ARPP19: variants seen among roughly 807,000 people sequenced by gnomAD.
ARPP19 encodes the protein cAMP regulated phosphoprotein 19.
In ARPP19, 8 loss-of-function variants were observed where a neutral mutation model predicts 12.0. The observed-to-expected ratio is 0.67, with a 90% CI of 0.39 to 1.21. ARPP19 has a LOEUF of 1.21. Ranked by LOEUF, ARPP19 falls within the 50% of genes most tolerant of loss-of-function variation. The pLI, the probability that ARPP19 is intolerant of heterozygous loss-of-function variation, is 0.01. For synonymous variants in ARPP19, 47 were observed against 50.4 expected (o/e 0.93, Z 0.29); for missense variants, 102 against 136.3 (o/e 0.75, Z 1.25).
intron 1 of ARPP19, chr15:52,564,205 A>G: frequency 6.5e-7 from 1 of 1,533,970 alleles, no homozygotes; most frequent in East Asian, 2.4e-5. Context: ...GGCTGTTAGG[A>G]ATCGATGGTT....
intron 1 of ARPP19, among the ~76,000 whole-genome samples, chr15:52,558,182 T>A (rs1236043316): frequency 6.6e-6 from 1 of 152,108 alleles, no homozygotes; most frequent in Non-Finnish European, 1.5e-5. Flanking sequence ...CTGGGCACGG[T>A]GGCTCACTCC....
At chr15:52,562,295 A>G (rs1317037791) in intron 1 of ARPP19, among the ~76,000 whole-genome samples, 3 of 152,200 alleles carry the variant, frequency 2.0e-5, no homozygotes, top group African/African-American at 7.2e-5. Flanking sequence ...TAGGCCATAA[A>G]GCAAATCTTA....
chr15:52,555,843 A>T (rs906294113), intron 2 of ARPP19, among the ~76,000 whole-genome samples: 1 of 151,976 alleles, frequency 6.6e-6, no homozygotes, highest in African/African-American at 2.4e-5. Context: ...CATTTCACTG[A>T]TGTCTATAAT....
chr15:52,561,207 C>A (rs376879865), intron 1 of ARPP19, among the ~76,000 whole-genome samples: 1 of 152,134 alleles, frequency 6.6e-6, no homozygotes, highest in East Asian at 1.9e-4. Flanking sequence ...CAAGGGAATT[C>A]CTAAACATTT....
chr15:52,560,677 T>TA (rs755054773), intron 1 of ARPP19, among the ~76,000 whole-genome samples: 1 of 152,242 alleles, frequency 6.6e-6, no homozygotes, highest in Non-Finnish European at 1.5e-5. Context: ...AATGATAAGT[T>TA]AGTTCAAGTG....
At chr15:52,565,135 C>G (rs1016710582) in intron 1 of ARPP19, among the ~76,000 whole-genome samples, 5 of 151,296 alleles carry the variant, frequency 3.3e-5, no homozygotes, top group African/African-American at 1.2e-4. Context: ...GTGGTTTTGA[C>G]CTCCTGGAGG....
rs748593238 is a variant in ARPP19 at position 52,568,928 on chromosome 15, T to C, written c.-36A>G. 3 of 1,457,882 alleles carry C rather than the reference T, an allele frequency of 2.1e-6. No individual in the cohort carries two copies. The highest frequency in any genetic ancestry group is 2.8e-5 in the East Asian group (1 of 35,730). 90.3% of individuals were successfully genotyped at this position (1,457,882 alleles called of 1,614,324 possible). On this transcript the variant is annotated 5_prime_UTR_variant, in exon 1 of 3. Transcript: ENST00000249822. ...CTGCAGACGAGACGCCGGGAAAAGA[T>C]GCAATTAGCGGGTGGCCGAGGCCAC...
At chr15:52,569,056 T>C, upstream of ARPP19, 9 of 592,198 alleles carry the variant, frequency 1.5e-5, no homozygotes, top group South Asian at 1.6e-4. Flanking sequence ...AACGCTCCGC[T>C]GGCCAAGGCC....
intron 1 of ARPP19, among the ~76,000 whole-genome samples, chr15:52,565,681 C>G (rs1053673206): frequency 2.0e-5 from 3 of 152,168 alleles, no homozygotes; most frequent in African/African-American, 7.2e-5. Context: ...AAAAGGGGAA[C>G]TGAGCCACCA....
chr15:52,568,805 C>T, intron 1 of ARPP19, 43 bp downstream of exon 1: 1 of 1,487,556 alleles, frequency 6.7e-7, no homozygotes, highest in Middle Eastern at 1.9e-4. Context: ...CCCGCCAGAC[C>T]CGGCCTTGGG....
chr15:52,558,220 G>A (rs2077999319), intron 1 of ARPP19, among the ~76,000 whole-genome samples: 1 of 152,088 alleles, frequency 6.6e-6, no homozygotes, highest in East Asian at 1.9e-4. Flanking sequence ...GGGAGCTGTG[G>A]GCGGATTGCT....
At chr15:52,568,787 G>A (rs931626317) in intron 1 of ARPP19, 61 bp downstream of exon 1, 13 of 1,304,762 alleles carry the variant, frequency 1.0e-5, no homozygotes, top group Non-Finnish European at 1.2e-5. Flanking sequence ...CCTGGCGGGA[G>A]CAGGCCGCCC....
rs114473142 is a variant in ARPP19 at position 52,555,347 on chromosome 15, G to T, written c.168+1753C>A. Among the ~76,000 whole-genome samples, 1,375 of 152,058 alleles carry T rather than the reference G, an allele frequency of 9.0e-3. 25 individuals carry two copies. The highest frequency in any genetic ancestry group is 0.032 in the African/African-American group (1,310 of 41,530). On this transcript the variant is annotated intron_variant, in intron 2 of 2. Transcript: ENST00000249822. ...CAAGGTTATGCTGGAGATTAGCAAA[G>T]AAAATATTTCCTAAACAATAATCAA...
Position 52,548,160 on chromosome 15 carries a change from T to C in ARPP19, c.*3774A>G, listed in dbSNP as rs1446622732. 1 of 152,208 alleles carries C rather than the reference T, an allele frequency of 6.6e-6. No homozygotes were observed. The allele number at this position is 152,208 out of a possible 1,614,324, so 9.4% of individuals were successfully genotyped here. ...GCAACCTTGGTCCAAAAATATTATG[T>C]GGAAAATTCCAGAAATAAACAATTC... is the stretch of plus-strand genomic sequence containing the variant. On this transcript the variant is annotated 3_prime_UTR_variant, in exon 3 of 3. Transcript: ENST00000249822.
intron 1 of ARPP19, among the ~76,000 whole-genome samples, chr15:52,558,513 G>A (rs1272565133): frequency 2.0e-5 from 3 of 150,246 alleles, no homozygotes; most frequent in Non-Finnish European, 4.4e-5. Context: ...AGAAAAAGCT[G>A]TACTGAGATA....
At chr15:52,564,253 A>G in intron 1 of ARPP19, 1 of 1,532,354 alleles carries the variant, frequency 6.5e-7, no homozygotes, top group South Asian at 1.2e-5. Flanking sequence ...CACTCTGAAT[A>G]GAAATAGAAA....
At chr15:52,568,722 C>T (rs780402617) in intron 1 of ARPP19, 126 bp downstream of exon 1, 15 of 579,766 alleles carry the variant, frequency 2.6e-5, no homozygotes, top group Non-Finnish European at 4.0e-5. Flanking sequence ...AAAGGTGGGG[C>T]GCAGGAGCCT....
intron 1 of ARPP19, among the ~76,000 whole-genome samples, chr15:52,560,563 C>T (rs1595865541): frequency 2.6e-5 from 4 of 152,274 alleles, no homozygotes; most frequent in Admixed American, 1.3e-4. Flanking sequence ...GAAAAGATGA[C>T]CTAATCTAGA....
chr15:52,568,995 C>T lies in ARPP19; in HGVS notation c.-103G>A. ...CCAGCTCTCCCAGGGCCCGCCGGGC[C>T]GCCTCCGCCCGCGAAAATGGCCGCC... On this transcript the variant is annotated 5_prime_UTR_variant, in exon 1 of 3. Coordinates refer to ENST00000249822, the MANE Select transcript of ARPP19 (RefSeq NM_006628.6). 1.3e-6 allele frequency: 1 copy of T among 794,538 alleles called. No homozygotes were observed. Among genetic ancestry groups the T allele is most frequent in the Non-Finnish European group, 2.0e-6 (1 of 506,378 alleles). 49.2% of individuals were successfully genotyped at this position (794,538 alleles called of 1,614,324 possible). A position where few individuals can be genotyped will look rare whatever the true frequency, so the allele number is the denominator to read the frequency against.
Sources: gnomAD v4.1 joint callset for allele counts (sites outside exome capture counted in the v4.1 genomes callset) on GRCh38, gnomAD v4.1.1 for gene constraint, MANE v1.5 for transcripts, NCBI Gene and HGNC (gene_info 2026-07-23, HGNC 2026-07-21) for gene names.